ATRNL1: variants seen among roughly 807,000 people sequenced by gnomAD.
The protein encoded by ATRNL1 is attractin-like protein 1.
Under a neutral mutation model 182.7 loss-of-function variants are expected in ATRNL1, and 95 were observed. The observed-to-expected ratio is 0.52, with a 90% CI of 0.44 to 0.62. The LOEUF is 0.62. Among genes scored for constraint, ATRNL1 ranks in the 20% least tolerant of loss-of-function variants. ATRNL1 has a pLI of 0.00. For synonymous variants in ATRNL1, 576 were observed against 568.3 expected (o/e 1.01, Z -0.19); for missense variants, 1,471 against 1,679.5 (o/e 0.88, Z 2.17).
At chr10:115,367,644 G>T (rs1490692844) in intron 19 of ATRNL1, among the ~76,000 whole-genome samples, 27 of 146,730 alleles carry the variant, frequency 1.8e-4, no homozygotes, top group Admixed American at 3.5e-4. Flanking sequence ...CCCCATCTTT[G>T]TGGTTTTATC....
intron 28 of ATRNL1, among the ~76,000 whole-genome samples, chr10:115,848,201 A>T (rs782222895): frequency 4.6e-5 from 7 of 152,208 alleles, no homozygotes; most frequent in Non-Finnish European, 8.8e-5. Context: ...TCCGAAAAAC[A>T]CATGTTGAAT....
intron 26 of ATRNL1, among the ~76,000 whole-genome samples, chr10:115,640,753 T>G (rs1555030028): frequency 1.3e-5 from 2 of 152,228 alleles, no homozygotes; most frequent in African/African-American, 2.4e-5. Context: ...TTTCTTTTGC[T>G]GTGCAGAAGC....
rs562201448 is a variant in ATRNL1 at position 115,858,099 on chromosome 10, TG to T, written c.4018+10109del. Among the ~76,000 whole-genome samples, 246 of 152,322 alleles carry T rather than the reference TG, an allele frequency of 1.6e-3. 11 individuals carry two copies. The South Asian group carries it at 0.049, about 30-fold the overall frequency. ...AAGAATGTTGTGGGTGTGAATACAA[TG>T]TTATGGGTCAACTATTGTGAAAGAC... On this transcript the variant is annotated intron_variant, in intron 28 of 28. Coordinates refer to ENST00000355044, the MANE Select transcript of ATRNL1 (RefSeq NM_207303.4).
At chr10:115,414,596 T>C (rs1845299208) in intron 20 of ATRNL1, among the ~76,000 whole-genome samples, 2 of 152,010 alleles carry the variant, frequency 1.3e-5, no homozygotes, top group Admixed American at 1.3e-4. Flanking sequence ...TTATTGTTCA[T>C]TTCTTTCTCC....
chr10:115,528,953 T>G (rs114740030), intron 25 of ATRNL1, among the ~76,000 whole-genome samples: 1 of 152,116 alleles, frequency 6.6e-6, no homozygotes, highest in Non-Finnish European at 1.5e-5. Context: ...GATTTCTAAC[T>G]TTATCCCACT....
At chr10:115,126,389 C>T (rs1164830009) in intron 3 of ATRNL1, among the ~76,000 whole-genome samples, 2 of 152,092 alleles carry the variant, frequency 1.3e-5, no homozygotes, top group East Asian at 1.9e-4. Flanking sequence ...TTTCAGAGAG[C>T]GCTCAGAGAC....
At chr10:115,792,650 AAGC>A (rs1323016243) in intron 27 of ATRNL1, among the ~76,000 whole-genome samples, 1 of 152,102 alleles carries the variant, frequency 6.6e-6, no homozygotes, top group Non-Finnish European at 1.5e-5. Context: ...GATAGTCTAG[AAGC>A]TCTTTTGATA....
Position 115,632,864 on chromosome 10 carries a change from T to TTTTTTATTTTATTTTATTTTATTTTA in ATRNL1, c.3795+83332_3795+83333insTATTTTATTTTATTTTATTTTATTTT, listed in dbSNP as rs1858603935. Among the ~76,000 whole-genome samples the TTTTTTATTTTATTTTATTTTATTTTA allele has an allele frequency of 1.3e-4, 18 of 136,570 alleles. No homozygotes were observed. In the East Asian group the frequency reaches 4.1e-3, roughly 31 times the overall value. The allele number at this position is 136,570 out of a possible 152,430, so 89.6% of individuals were successfully genotyped here. A position where few individuals can be genotyped will look rare whatever the true frequency, so the allele number is the denominator to read the frequency against. ...ACAAATTCTAGGGCCTCACATTAACTTTTTATTTTATTTTATTTTATTTTA... is the reference window on the plus strand; with the variant it reads ...ACAAATTCTAGGGCCTCACATTAACTTTTTTATTTTATTTTATTTTATTTTATTTTATTTTATTTTATTTTATTTTA... On this transcript the variant is annotated intron_variant, in intron 26 of 28. Transcript: ENST00000355044.
At chr10:115,805,766 G>C (rs1326042794) in intron 27 of ATRNL1, among the ~76,000 whole-genome samples, 2 of 152,058 alleles carry the variant, frequency 1.3e-5, no homozygotes, top group Admixed American at 6.6e-5. Flanking sequence ...TTGTCACTTA[G>C]GGACTTTTAT....
chr10:115,580,049 A>G (rs1407857268), intron 26 of ATRNL1, among the ~76,000 whole-genome samples: 1 of 152,002 alleles, frequency 6.6e-6, no homozygotes, highest in Non-Finnish European at 1.5e-5. Flanking sequence ...ACAACTTCTT[A>G]TATTGCAGAA....
At chr10:115,436,454 G>T (rs1846409431) in intron 21 of ATRNL1, among the ~76,000 whole-genome samples, 1 of 152,012 alleles carries the variant, frequency 6.6e-6, no homozygotes, top group African/African-American at 2.4e-5. Flanking sequence ...TCAGAGTTTG[G>T]ATTATAACTG....
intron 26 of ATRNL1, among the ~76,000 whole-genome samples, chr10:115,712,111 A>G (rs1947080406): frequency 6.6e-6 from 1 of 152,204 alleles, no homozygotes; most frequent in Non-Finnish European, 1.5e-5. Flanking sequence ...TCACAGGAAG[A>G]GTTGGGATTG....
intron 26 of ATRNL1, among the ~76,000 whole-genome samples, chr10:115,656,742 G>A (rs1226086499): frequency 6.6e-6 from 1 of 152,144 alleles, no homozygotes; most frequent in Non-Finnish European, 1.5e-5. Flanking sequence ...CCCCCAAGTT[G>A]TGATTGTTTG....
chr10:115,386,526 C>G (rs1426614225), intron 19 of ATRNL1, among the ~76,000 whole-genome samples: 6 of 152,050 alleles, frequency 3.9e-5, no homozygotes, highest in African/African-American at 1.4e-4. Flanking sequence ...TAGTGAGACT[C>G]GCATTTATTC....
At chr10:115,102,575 C>T (rs1843820244) in intron 1 of ATRNL1, among the ~76,000 whole-genome samples, 1 of 152,140 alleles carries the variant, frequency 6.6e-6, no homozygotes. Context: ...TCTTGAGCAG[C>T]TGGGATTACA....
rs200817060 is a variant in ATRNL1, at chr10:115,770,247, G to T, written c.3903+42892G>T. Among the ~76,000 whole-genome samples, 7 of 151,922 alleles carry T rather than the reference G, an allele frequency of 4.6e-5. No homozygotes were observed. In the East Asian group the frequency reaches 1.4e-3, roughly 29 times the overall value. On this transcript the variant is annotated intron_variant, in intron 27 of 28. Transcript: ENST00000355044. ...TATTTATATTAAATTGCTATTTTAA[G>T]CCTAAATCCTATAAGTTCTATTTTG...
At chr10:115,717,545 G>GTTTTTTTTT (rs1555056622) in intron 26 of ATRNL1, among the ~76,000 whole-genome samples, 114 of 65,070 alleles carry the variant, frequency 1.8e-3, no homozygotes, top group Admixed American at 4.6e-3. Flanking sequence ...TGCCTGAAAT[G>GTTTTTTTTT]TTCTTTTTTT....
At chr10:115,843,260 A>G (rs782520129) in intron 27 of ATRNL1, among the ~76,000 whole-genome samples, 3 of 152,122 alleles carry the variant, frequency 2.0e-5, no homozygotes, top group Non-Finnish European at 4.4e-5. Context: ...AAGGTGGCAC[A>G]AGCACCGTGC....
intron 20 of ATRNL1, among the ~76,000 whole-genome samples, chr10:115,420,362 A>G (rs1554961724): frequency 6.6e-6 from 1 of 152,146 alleles, no homozygotes; most frequent in Non-Finnish European, 1.5e-5. Flanking sequence ...TTTAAAAATC[A>G]AAGTCATATC....
Sources: gnomAD v4.1 joint callset for allele counts (sites outside exome capture counted in the v4.1 genomes callset) on GRCh38, gnomAD v4.1.1 for gene constraint, MANE v1.5 for transcripts, NCBI Gene and HGNC (gene_info 2026-07-23, HGNC 2026-07-21) for gene names.